Variants in ARHGEF3 observed in about 807,000 individuals in gnomAD.
The protein encoded by ARHGEF3 is Rho guanine nucleotide exchange factor 3, also known as 59.8 kDA protein.
ARHGEF3 carries 28 observed loss-of-function variants against 63.2 expected under a neutral mutation model. The ratio of observed to expected loss-of-function variants is 0.44; its 90% confidence interval spans 0.33 to 0.61. The LOEUF is 0.61. Ranked by LOEUF, ARHGEF3 falls within the 20% of genes least tolerant of loss-of-function variation. The pLI is 0.03. For missense variants in ARHGEF3, 533 were observed against 659.3 expected (o/e 0.81, Z 2.10); for synonymous variants, 266 against 254.2 (o/e 1.05, Z -0.44).
chr3:57,065,185 T>C (rs914736599), intron 1 of ARHGEF3, among the ~76,000 whole-genome samples: 1 of 152,178 alleles, frequency 6.6e-6, no homozygotes, highest in African/African-American at 2.4e-5. Flanking sequence ...CCGGGCGCAG[T>C]GGCTCACGCC....
At chr3:56,804,783 C>T (rs546481391), upstream of ARHGEF3, among the ~76,000 whole-genome samples, 50 of 152,326 alleles carry the variant, frequency 3.3e-4, no homozygotes, top group African/African-American at 1.0e-3. Flanking sequence ...ATGGGGAGCT[C>T]ACACAAGTGC....
intron 2 of ARHGEF3, among the ~76,000 whole-genome samples, chr3:56,962,656 C>T (rs1700331613): frequency 6.6e-6 from 1 of 152,126 alleles, no homozygotes; most frequent in Non-Finnish European, 1.5e-5. Context: ...AGTTGGGGGG[C>T]TGCTATTGTG....
chr3:57,055,421 C>T (rs1021804072), intron 1 of ARHGEF3, among the ~76,000 whole-genome samples: 1 of 152,160 alleles, frequency 6.6e-6, no homozygotes, highest in Non-Finnish European at 1.5e-5. Flanking sequence ...CTCGGCCTCC[C>T]AGAGTGCCAG....
chr3:56,799,704 T>A (rs1249768718), intron 1 of ARHGEF3, among the ~76,000 whole-genome samples: 1 of 152,194 alleles, frequency 6.6e-6, no homozygotes, highest in Non-Finnish European at 1.5e-5. Flanking sequence ...TTTGCGCTGA[T>A]AAGGAAACCA....
chr3:56,954,121 GAGACA>G (rs967748787), intron 3 of ARHGEF3, among the ~76,000 whole-genome samples: 2 of 152,166 alleles, frequency 1.3e-5, no homozygotes, highest in African/African-American at 4.8e-5. Flanking sequence ...ACTGGAGAAG[GAGACA>G]AGACAAAAAG....
At chr3:56,827,487 T>C (rs1261929721) in intron 4 of ARHGEF3, among the ~76,000 whole-genome samples, 2 of 152,086 alleles carry the variant, frequency 1.3e-5, no homozygotes, top group South Asian at 4.1e-4. Context: ...TCATGTGTAA[T>C]GGGGGATTAT....
chr3:56,972,011 T>A (rs1050508958), intron 2 of ARHGEF3, among the ~76,000 whole-genome samples: 2 of 151,942 alleles, frequency 1.3e-5, no homozygotes, highest in Admixed American at 1.3e-4. Context: ...CCTTATCTCA[T>A]CATAACAAAC....
intron 3 of ARHGEF3, among the ~76,000 whole-genome samples, chr3:56,955,241 G>A (rs1361239103): frequency 6.7e-6 from 1 of 148,170 alleles, no homozygotes; most frequent in African/African-American, 2.5e-5. Context: ...TGTTGCCCAA[G>A]CTAGAGTGCA....
intron 2 of ARHGEF3, among the ~76,000 whole-genome samples, chr3:56,988,183 C>A (rs548346850): frequency 6.6e-6 from 1 of 152,150 alleles, no homozygotes; most frequent in Admixed American, 6.5e-5. Context: ...CTCACTCTGT[C>A]GCCCAGGCAG....
chr3:57,055,737 C>G (rs1242814402), intron 1 of ARHGEF3, among the ~76,000 whole-genome samples: 1 of 152,166 alleles, frequency 6.6e-6, no homozygotes, highest in Non-Finnish European at 1.5e-5. Context: ...GACACCCAAT[C>G]CTTTATCTGT....
At chr3:56,814,305 T>C (rs1296187617) in intron 4 of ARHGEF3, among the ~76,000 whole-genome samples, 2 of 151,914 alleles carry the variant, frequency 1.3e-5, no homozygotes, top group Non-Finnish European at 2.9e-5. Context: ...TTTTTTGCGA[T>C]TTTTTTTAAG....
At chr3:56,871,597 A>C (rs983735238) in intron 4 of ARHGEF3, among the ~76,000 whole-genome samples, 2 of 152,152 alleles carry the variant, frequency 1.3e-5, no homozygotes, top group African/African-American at 4.8e-5. Flanking sequence ...ACTTTTATAT[A>C]ATGTTTTACA....
At chr3:57,036,622 C>T (rs1478779990) in intron 1 of ARHGEF3, among the ~76,000 whole-genome samples, 7 of 152,154 alleles carry the variant, frequency 4.6e-5, no homozygotes. Context: ...CAAACACAAA[C>T]CTGCTGCTTC....
intron 3 of ARHGEF3, among the ~76,000 whole-genome samples, chr3:56,920,791 G>T (rs979058208): frequency 6.6e-6 from 1 of 152,192 alleles, no homozygotes; most frequent in African/African-American, 2.4e-5. Context: ...GATGGCTCAT[G>T]CCTGTAATCC....
At chr3:56,872,344 A>G (rs532439969) in intron 4 of ARHGEF3, among the ~76,000 whole-genome samples, 1 of 152,190 alleles carries the variant, frequency 6.6e-6, no homozygotes, top group South Asian at 2.1e-4. Context: ...AAATGTATAT[A>G]AACATATAGG....
chr3:56,894,375 A>C (rs535757956), intron 3 of ARHGEF3, among the ~76,000 whole-genome samples: 6 of 152,348 alleles, frequency 3.9e-5, no homozygotes, highest in African/African-American at 1.4e-4. Context: ...TAGTGAAATT[A>C]ATTTATCTGA....
At chr3:56,881,815 C>T (rs552455230) in intron 4 of ARHGEF3, among the ~76,000 whole-genome samples, 2 of 152,232 alleles carry the variant, frequency 1.3e-5, no homozygotes, top group Non-Finnish European at 2.9e-5. Flanking sequence ...AGGTGTCACA[C>T]AGATGGTAAG....
chr3:56,947,324 C>A (rs1311883706), intron 3 of ARHGEF3, among the ~76,000 whole-genome samples: 1 of 152,196 alleles, frequency 6.6e-6, no homozygotes, highest in African/African-American at 2.4e-5. Flanking sequence ...TTAAAAGACA[C>A]AGACTGGCAA....
intron 3 of ARHGEF3, among the ~76,000 whole-genome samples, chr3:56,898,238 C>T (rs1245960366): frequency 6.6e-6 from 1 of 151,832 alleles, no homozygotes; most frequent in South Asian, 2.1e-4. Flanking sequence ...GAGATGGAGT[C>T]CCGCTGTGTT....
Sources: allele counts gnomAD v4.1 joint callset (sites outside exome capture counted in the v4.1 genomes callset), GRCh38; gene constraint gnomAD v4.1.1; transcripts MANE v1.5; gene names NCBI Gene and HGNC (gene_info 2026-07-23, HGNC 2026-07-21).